Variants in PP2D1 observed in about 807,000 individuals in gnomAD.
PP2D1 encodes protein phosphatase 2C like domain containing 1.
A neutral mutation model predicts 30.2 loss-of-function variants in PP2D1; 25 were observed. The observed-to-expected ratio is 0.83, with a 90% CI of 0.60 to 1.16. The LOEUF (loss-of-function observed/expected upper bound fraction) is 1.16. PP2D1 is among the 50% of genes most tolerant of loss of function. The pLI, the probability that PP2D1 is intolerant of heterozygous loss-of-function variation, is 0.00. For synonymous variants in PP2D1, 260 were observed against 258.9 expected (o/e 1.00, Z -0.04); for missense variants, 760 against 742.4 (o/e 1.02, Z -0.28).
Position 20,001,685 on chromosome 3 carries a change from T to C in PP2D1, c.435A>G (p.Ala145=). 6.5e-7 allele frequency: 1 copy of C among 1,535,076 alleles called. No homozygotes were observed. The highest frequency in any genetic ancestry group is 8.7e-7 in the Non-Finnish European group (1 of 1,146,480). The change falls in exon 2 of 3, where the codon GCA becomes GCG. Residue 145 remains alanine, a synonymous_variant. Coordinates refer to ENST00000389050, the MANE Select transcript of PP2D1 (RefSeq NM_001252657.2). The stretch of plus-strand genomic sequence containing the variant: ...CAATGTTATCAAAAATCTTATAGTA[T>C]GCTGGTATTTGTTTTTTCCAAAGCA... ...FELLWKKQIP[A]YYKIFDNIDR...
intron 2 of PP2D1, among the ~76,000 whole-genome samples, chr3:19,995,649 A>G (rs1348794208): frequency 1.3e-5 from 2 of 152,256 alleles, no homozygotes; most frequent in Non-Finnish European, 2.9e-5. Flanking sequence ...AAGTCAATCA[A>G]TTGAAACCAA....
At chr3:19,984,088 C>T (rs1295360808), downstream of PP2D1, 3 of 416,556 alleles carry the variant, frequency 7.2e-6, no homozygotes, top group Non-Finnish European at 8.9e-6. Context: ...AATAATTTCT[C>T]ATCACTAGGA....
At chr3:19,996,862 A>G (rs1697186205) in intron 2 of PP2D1, 1 of 151,952 alleles carries the variant, frequency 6.6e-6, no homozygotes, top group African/African-American at 2.4e-5. Context: ...GATTATTGCT[A>G]ATTGAAAACT....
Position 19,985,687 on chromosome 3 carries a change from T to C in PP2D1, c.1586A>G (p.Asn529Ser). 1 of 1,535,956 alleles carries C rather than the reference T, an allele frequency of 6.5e-7. No homozygotes were observed. The highest frequency in any genetic ancestry group is 8.7e-7 in the Non-Finnish European group (1 of 1,146,730). Residue 529 changes from asparagine (N) to serine (S), a missense_variant, in exon 3 of 3, where the codon AAT becomes AGT. By Grantham distance (46) the Asn-to-Ser change is conservative (BLOSUM62 1). Around this residue, in one of 3 missense-constraint regions of PP2D1, gnomAD observed 369 missense variants for 316.2 expected, o/e 1.17. Transcript: ENST00000389050. ...TGAATCGGATAAATTTTCTTTGGAA[T>C]TTGTAGTTGACACACGTACTTCAGA... ...SVSEVRVSTT[N>S]SKENLSDSNY...
rs1697247987 is a variant in PP2D1 at position 20,001,276 on chromosome 3, T to A, written c.844A>T (p.Thr282Ser). Residue 282 changes from threonine to serine, a missense_variant, in exon 2 of 3, where the codon ACA (threonine) becomes TCA (serine). By Grantham distance (58) the Thr-to-Ser change is moderately conservative. Around this residue, in one of 3 missense-constraint regions of PP2D1, gnomAD observed 374 missense variants for 388.8 expected, o/e 0.96. Coordinates refer to ENST00000389050, the MANE Select transcript of PP2D1 (RefSeq NM_001252657.2). ...TEAVRCEYEDTHKAFAKAFWR... is the reference protein window; with the variant it reads ...TEAVRCEYEDSHKAFAKAFWR... ...AATGCTTTTGCAAAGGCTTTGTGTG[T>A]GTCCTCATACTCACACCTCACTGCT... The A allele has an allele frequency of 6.5e-7, 1 of 1,536,024 alleles. No homozygotes were observed. Among genetic ancestry groups the A allele is most frequent in the African/African-American group, 1.4e-5 (1 of 73,064 alleles).
chr3:20,000,855 G>T, intron 2 of PP2D1, 175 bp downstream of exon 2: 1 of 394,640 alleles, frequency 2.5e-6, no homozygotes, highest in Non-Finnish European at 4.5e-6. Context: ...TTATTTTTGT[G>T]CCTGCAATCT....
At chr3:20,005,892 A>C (rs750767096) in intron 1 of PP2D1, among the ~76,000 whole-genome samples, 5 of 150,168 alleles carry the variant, frequency 3.3e-5, no homozygotes, top group Non-Finnish European at 7.4e-5. Flanking sequence ...CAGCCTGGGC[A>C]ACAAACCCCA....
intron 1 of PP2D1, 21 bp from the exon 2 acceptor site, chr3:20,002,117 A>G (rs910509021): frequency 1.0e-5 from 15 of 1,468,828 alleles, no homozygotes; most frequent in Non-Finnish European, 1.3e-5. Flanking sequence ...GATGAAAGAT[A>G]TTTACATGCC....
At chr3:20,000,612 A>G (rs1465561380) in intron 2 of PP2D1, among the ~76,000 whole-genome samples, 1 of 152,244 alleles carries the variant, frequency 6.6e-6, no homozygotes, top group South Asian at 2.1e-4. Flanking sequence ...TTGCAAATAC[A>G]GTTATCAGAG....
chr3:20,010,060 A>G (rs1208475910), intron 1 of PP2D1, among the ~76,000 whole-genome samples: 9 of 151,628 alleles, frequency 5.9e-5, no homozygotes, highest in African/African-American at 1.9e-4. Context: ...ATATTTTTTT[A>G]CTCCTGTTTC....
At chr3:20,010,303 C>T (rs1458567579) in intron 1 of PP2D1, among the ~76,000 whole-genome samples, 1 of 152,028 alleles carries the variant, frequency 6.6e-6, no homozygotes, top group African/African-American at 2.4e-5. Context: ...ACCATGTTGG[C>T]CAGGCTGGTC....
At position 19,985,493 on chromosome 3, in the gene PP2D1, C is replaced by G. The variant is rs1697014970; in HGVS notation, c.1780G>C (p.Ala594Pro). The G allele has an allele frequency of 2.0e-6, 3 of 1,536,102 alleles. No homozygotes were observed. Among genetic ancestry groups the G allele is most frequent in the Non-Finnish European group, 2.6e-6 (3 of 1,146,874 alleles). Residue 594 changes from alanine (A) to proline (P), a missense_variant, in exon 3 of 3, where the codon GCT becomes CCT. Around this residue, in one of 3 missense-constraint regions of PP2D1, gnomAD observed 369 missense variants for 316.2 expected, o/e 1.17. Coordinates refer to ENST00000389050, the MANE Select transcript of PP2D1 (RefSeq NM_001252657.2). ...SDTKSFYEGAAEYVSHELVNA... is the reference protein window; with the variant it reads ...SDTKSFYEGAPEYVSHELVNA... ...ACAAGTTCATGGCTAACATACTCAG[C>G]TGCGCCTTCATAGAAACTCTTAGTG...
chr3:20,005,575 C>T (rs1375364243), intron 1 of PP2D1, among the ~76,000 whole-genome samples: 1 of 152,110 alleles, frequency 6.6e-6, no homozygotes, highest in Non-Finnish European at 1.5e-5. Flanking sequence ...GCCTACGACA[C>T]TAAGAATACT....
intron 2 of PP2D1, among the ~76,000 whole-genome samples, chr3:19,998,755 AT>A (rs1296091330): frequency 1.3e-5 from 2 of 152,192 alleles, no homozygotes; most frequent in African/African-American, 2.4e-5. Context: ...TTGATATATT[AT>A]GAATTTTAAA....
intron 2 of PP2D1, among the ~76,000 whole-genome samples, chr3:19,986,591 C>T (rs1697039758): frequency 6.6e-6 from 1 of 152,116 alleles, no homozygotes; most frequent in Non-Finnish European, 1.5e-5. Flanking sequence ...CAATTTAAAA[C>T]ACAAACTTTG....
intron 2 of PP2D1, among the ~76,000 whole-genome samples, chr3:19,987,291 A>T (rs1025801931): frequency 6.6e-6 from 1 of 151,960 alleles, no homozygotes; most frequent in Non-Finnish European, 1.5e-5. Flanking sequence ...GAACCACTGA[A>T]TTTTTTTAGT....
Position 20,001,256 on chromosome 3 carries a change from T to A in PP2D1, c.864A>T (p.Lys288Asn). The A allele has an allele frequency of 6.5e-7, 1 of 1,536,096 alleles. No individual in the cohort carries two copies. The highest frequency in any genetic ancestry group is 1.2e-5 in the South Asian group (1 of 84,044). Residue 288 changes from lysine to asparagine, a missense_variant, in exon 2 of 3, where the codon AAA (lysine) becomes AAT (asparagine). Coordinates refer to ENST00000389050, the MANE Select transcript of PP2D1 (RefSeq NM_001252657.2). ...AAAGCCTATCCATTCTCCAAAATGC[T>A]TTTGCAAAGGCTTTGTGTGTGTCCT... ...EYEDTHKAFA[K>N]AFWRMDRLLG...
At chr3:20,008,489 C>T (rs956753698) in intron 1 of PP2D1, among the ~76,000 whole-genome samples, 1 of 152,066 alleles carries the variant, frequency 6.6e-6, no homozygotes, top group Non-Finnish European at 1.5e-5. Flanking sequence ...ATCGTGTGAA[C>T]CCGGGAGGTG....
intron 2 of PP2D1, among the ~76,000 whole-genome samples, chr3:19,995,938 C>T (rs1182271654): frequency 1.3e-5 from 2 of 151,948 alleles, no homozygotes; most frequent in Non-Finnish European, 2.9e-5. Flanking sequence ...CAAAATATAA[C>T]ATACCAAAAC....
Sources: allele counts gnomAD v4.1 joint callset (sites outside exome capture counted in the v4.1 genomes callset), GRCh38; gene constraint gnomAD v4.1.1; regional missense constraint gnomAD v4.1.1; transcripts MANE v1.5; gene names NCBI Gene and HGNC (gene_info 2026-07-23, HGNC 2026-07-21).